Variants in DGKB observed in about 807,000 individuals in gnomAD.
DGKB encodes the protein diacylglycerol kinase beta, also known as 90 kDa diacylglycerol kinase.
A neutral mutation model predicts 114.3 loss-of-function variants in DGKB; 67 were observed. The observed-to-expected ratio is 0.59, with a 90% confidence interval of 0.48 to 0.72. The LOEUF (loss-of-function observed/expected upper bound fraction) is 0.72. Ranked by LOEUF, DGKB falls within the 30% of genes least tolerant of loss-of-function variation. The probability of loss-of-function intolerance (pLI) is 0.00; values close to 1 mark genes in which losing one functional copy is unlikely to be tolerated. For missense variants in DGKB, 907 were observed against 975.2 expected, an observed-to-expected ratio of 0.93 and a Z score of 0.93; for synonymous variants, 398 against 323.1, an observed-to-expected ratio of 1.23 and a Z score of -2.49.
intron 20 of DGKB, among the ~76,000 whole-genome samples, chr7:14,514,408 C>T (rs928437644): frequency 6.6e-6 from 1 of 152,098 alleles, no homozygotes; most frequent in Admixed American, 6.6e-5. Flanking sequence ...AAGCTACTTA[C>T]AAGTAGAACT....
chr7:14,531,769 C>T (rs568895880), intron 20 of DGKB, among the ~76,000 whole-genome samples: 2 of 151,084 alleles, frequency 1.3e-5, no homozygotes, highest in South Asian at 4.2e-4. Context: ...GTTACACTAT[C>T]TGATTTAGAA....
At chr7:14,730,675 C>A (rs1291780307) in intron 5 of DGKB, among the ~76,000 whole-genome samples, 1 of 152,078 alleles carries the variant, frequency 6.6e-6, no homozygotes, top group Non-Finnish European at 1.5e-5. Flanking sequence ...ATTTTATCAC[C>A]TTCTTCACTG....
chr7:14,717,094 G>C (rs148850439), intron 6 of DGKB, among the ~76,000 whole-genome samples: 1 of 152,212 alleles, frequency 6.6e-6, no homozygotes, highest in East Asian at 1.9e-4. Context: ...GAATAGTGTG[G>C]TGAGTCAACA....
At chr7:14,252,241 G>A (rs1196992179) in intron 23 of DGKB, among the ~76,000 whole-genome samples, 1 of 152,084 alleles carries the variant, frequency 6.6e-6, no homozygotes, top group Non-Finnish European at 1.5e-5. Context: ...CAAGTCTGCT[G>A]TTGAACCCTT....
chr7:14,793,154 G>A (rs1840922947), intron 2 of DGKB, among the ~76,000 whole-genome samples: 1 of 151,978 alleles, frequency 6.6e-6, no homozygotes, highest in Admixed American at 6.6e-5. Context: ...ATGCTTAATG[G>A]GTTTAATAAC....
intron 21 of DGKB, among the ~76,000 whole-genome samples, chr7:14,420,757 A>G (rs567075881): frequency 5.1e-4 from 77 of 152,190 alleles, no homozygotes; most frequent in African/African-American, 1.8e-3. Flanking sequence ...AGTTCAATTC[A>G]AATATTAACT....
intron 21 of DGKB, among the ~76,000 whole-genome samples, chr7:14,362,018 G>C (rs577579088): frequency 6.6e-6 from 1 of 151,908 alleles, no homozygotes; most frequent in Non-Finnish European, 1.5e-5. Context: ...ATCAAATTCT[G>C]AATATTATTG....
At chr7:14,678,639 A>G (rs1244998467) in intron 12 of DGKB, among the ~76,000 whole-genome samples, 1 of 152,066 alleles carries the variant, frequency 6.6e-6, no homozygotes, top group Non-Finnish European at 1.5e-5. Flanking sequence ...TGCATTTATT[A>G]TCACAGAACT....
chr7:14,777,276 T>C (rs1201923594), intron 2 of DGKB, among the ~76,000 whole-genome samples: 1 of 152,126 alleles, frequency 6.6e-6, no homozygotes, highest in African/African-American at 2.4e-5. Context: ...TTTGAGTTAA[T>C]GCTGGAATGA....
intron 1 of DGKB, among the ~76,000 whole-genome samples, chr7:14,858,506 T>C (rs1850504030): frequency 6.6e-6 from 1 of 152,156 alleles, no homozygotes; most frequent in Admixed American, 6.5e-5. Context: ...GTAACCTCCA[T>C]ATTTGATTAA....
intron 25 of DGKB, among the ~76,000 whole-genome samples, chr7:14,172,639 G>T (rs1037946163): frequency 2.6e-5 from 4 of 152,030 alleles, no homozygotes; most frequent in Non-Finnish European, 5.9e-5. Context: ...CCTCATCTGG[G>T]GAAGGAGAGA....
At chr7:14,860,259 T>C (rs217547) in intron 1 of DGKB, among the ~76,000 whole-genome samples, 17,735 of 152,124 alleles carry the variant, frequency 0.12, 1,470 homozygotes, top group Middle Eastern at 0.18. Context: ...AAAAATATTT[T>C]AGATTTCAAA....
intron 20 of DGKB, among the ~76,000 whole-genome samples, chr7:14,559,703 A>C (rs1015186989): frequency 5.3e-5 from 8 of 152,218 alleles, no homozygotes; most frequent in African/African-American, 1.9e-4. Context: ...CAGTTGCCTA[A>C]TCACAATACT....
intron 17 of DGKB, among the ~76,000 whole-genome samples, chr7:14,585,691 T>C (rs1327243411): frequency 6.6e-6 from 1 of 152,180 alleles, no homozygotes; most frequent in Admixed American, 6.6e-5. Flanking sequence ...TGAATGTCTG[T>C]GGCAACTCTG....
At chr7:14,821,440 G>A (rs1844914429) in intron 2 of DGKB, among the ~76,000 whole-genome samples, 1 of 152,162 alleles carries the variant, frequency 6.6e-6, no homozygotes, top group South Asian at 2.1e-4. Context: ...GATAATATCA[G>A]AGAGGAGGAA....
intron 23 of DGKB, among the ~76,000 whole-genome samples, chr7:14,275,599 C>G (rs1398352563): frequency 6.6e-6 from 1 of 152,140 alleles, no homozygotes; most frequent in African/African-American, 2.4e-5. Context: ...CACATAGGGT[C>G]TCTGCTCGCT....
At chr7:14,547,383 T>G (rs1282095246) in intron 20 of DGKB, among the ~76,000 whole-genome samples, 1 of 152,166 alleles carries the variant, frequency 6.6e-6, no homozygotes, top group African/African-American at 2.4e-5. Flanking sequence ...AAAATGAAAA[T>G]GTATGACAAT....
intron 20 of DGKB, among the ~76,000 whole-genome samples, chr7:14,529,102 T>A (rs531961061): frequency 2.6e-5 from 4 of 151,950 alleles, no homozygotes; most frequent in East Asian, 1.9e-4. Flanking sequence ...AGTATATGGG[T>A]AAGTATTTAC....
At chr7:14,788,014 TTA>T (rs1349093448) in intron 2 of DGKB, among the ~76,000 whole-genome samples, 2 of 152,136 alleles carry the variant, frequency 1.3e-5, no homozygotes, top group Non-Finnish European at 2.9e-5. Flanking sequence ...AAGACTGAGG[TTA>T]TGACAGGAGA....
Sources: gnomAD v4.1 joint callset for allele counts (sites outside exome capture counted in the v4.1 genomes callset) on GRCh38, gnomAD v4.1.1 for gene constraint, MANE v1.5 for transcripts, NCBI Gene and HGNC (gene_info 2026-07-23, HGNC 2026-07-21) for gene names.